Variants in AGMO observed in about 807,000 individuals in gnomAD.
AGMO encodes the protein glyceryl-ether monooxygenase.
Under a neutral mutation model 60.2 loss-of-function variants are expected in AGMO, and 75 were observed. The ratio of observed to expected loss-of-function variants is 1.25; its 90% confidence interval spans 1.03 to 1.51. The LOEUF is 1.51. AGMO is among the 40% of genes most tolerant of loss of function. The pLI, the probability that AGMO is intolerant of heterozygous loss-of-function variation, is 0.00. For missense variants in AGMO, 763 were observed against 525.5 expected (o/e 1.45, Z -4.42); for synonymous variants, 261 against 177.1 (o/e 1.47, Z -3.76).
intron 12 of AGMO, among the ~76,000 whole-genome samples, chr7:15,236,136 T>C (rs916896620): frequency 7.9e-5 from 12 of 152,260 alleles, no homozygotes; most frequent in African/African-American, 2.4e-4. Flanking sequence ...CTGGAAAATA[T>C]TGTTCATGTA....
chr7:15,218,743 C>G (rs1563040182), intron 12 of AGMO, among the ~76,000 whole-genome samples: 1 of 152,180 alleles, frequency 6.6e-6, no homozygotes, highest in East Asian at 1.9e-4. Flanking sequence ...GCCTGAGAGA[C>G]AGATCAGACC....
intron 12 of AGMO, among the ~76,000 whole-genome samples, chr7:15,327,488 G>T (rs993367310): frequency 6.6e-6 from 1 of 152,046 alleles, no homozygotes; most frequent in African/African-American, 2.4e-5. Flanking sequence ...AAGATCATTT[G>T]TTCAACACCT....
At position 15,521,707 on chromosome 7, in the gene AGMO, A is replaced by G. The variant is rs181928113; in HGVS notation, c.409+23065T>C. On this transcript the variant is annotated intron_variant, in intron 3 of 12. Transcript: ENST00000342526. The stretch of plus-strand genomic sequence containing the variant: ...TTGATACAACGTATCCCAAAGTAAT[A>G]AGAGCTATTTATGACAAACCCACAG... 2.6e-4 allele frequency among the ~76,000 whole-genome samples: 39 copies of G among 152,314 alleles called. 1 individual carries two copies. Among genetic ancestry groups the G allele is most frequent in the Admixed American group, 2.5e-3 (39 of 15,298 alleles).
intron 12 of AGMO, among the ~76,000 whole-genome samples, chr7:15,291,318 A>C (rs1050775183): frequency 6.6e-6 from 1 of 152,194 alleles, no homozygotes; most frequent in Non-Finnish European, 1.5e-5. Flanking sequence ...TATCCATTAT[A>C]TCCAATGGGA....
At position 15,281,558 on chromosome 7, in the gene AGMO, G is replaced by GTGGA. The variant is rs773345652; in HGVS notation, c.1264-80203_1264-80200dup. Among the ~76,000 whole-genome samples the GTGGA allele has an allele frequency of 4.6e-5, 7 of 152,242 alleles. No homozygotes were observed. The East Asian group carries it at 7.8e-4, about 17-fold the overall frequency. On this transcript the variant is annotated intron_variant, in intron 12 of 12. Coordinates refer to ENST00000342526, the MANE Select transcript of AGMO (RefSeq NM_001004320.2). ...TCTGGGTCAGGAGTGTGTCTAGGAA[G>GTGGA]TGGATCACTTTCCTGCTAGCCTGGC...
chr7:15,404,259 TAATA>T (rs1784627897), intron 5 of AGMO, among the ~76,000 whole-genome samples: 1 of 151,928 alleles, frequency 6.6e-6, no homozygotes, highest in South Asian at 2.1e-4. Flanking sequence ...ACTGCGTTTA[TAATA>T]AATTATCTTG....
chr7:15,255,051 C>A (rs1018853943), intron 12 of AGMO, among the ~76,000 whole-genome samples: 1 of 152,136 alleles, frequency 6.6e-6, no homozygotes, highest in East Asian at 1.9e-4. Context: ...AGTTCATGTC[C>A]TTCGCAGGGA....
At chr7:15,259,829 G>C (rs559289798) in intron 12 of AGMO, among the ~76,000 whole-genome samples, 1 of 123,566 alleles carries the variant, frequency 8.1e-6, no homozygotes, top group Non-Finnish European at 1.6e-5. Flanking sequence ...ATGAAGCAAA[G>C]ATACAGTCTT....
chr7:15,358,346 CT>C, intron 12 of AGMO: 1 of 455,312 alleles, frequency 2.2e-6, no homozygotes, highest in Non-Finnish European at 4.5e-6. Context: ...TGGGTTAATG[CT>C]TTTTCAAAAG....
At chr7:15,470,363 A>C (rs576536902) in intron 3 of AGMO, among the ~76,000 whole-genome samples, 1 of 152,142 alleles carries the variant, frequency 6.6e-6, no homozygotes, top group African/African-American at 2.4e-5. Context: ...AATGGTCTAA[A>C]TAGTCATGTT....
At chr7:15,447,723 T>C (rs1781737973) in intron 3 of AGMO, among the ~76,000 whole-genome samples, 1 of 151,980 alleles carries the variant, frequency 6.6e-6, no homozygotes, top group Admixed American at 6.6e-5. Flanking sequence ...GCTAAATTTT[T>C]TTTTTTTTCA....
chr7:15,219,419 A>T (rs1781847491), intron 12 of AGMO, among the ~76,000 whole-genome samples: 1 of 152,190 alleles, frequency 6.6e-6, no homozygotes, highest in Admixed American at 6.6e-5. Context: ...GATGAAGAGG[A>T]GTTTGCTAGC....
intron 12 of AGMO, among the ~76,000 whole-genome samples, chr7:15,309,060 C>T (rs1216292302): frequency 6.6e-6 from 1 of 152,108 alleles, no homozygotes; most frequent in Admixed American, 6.6e-5. Flanking sequence ...CCATTTGCTC[C>T]ATCAGCCACA....
chr7:15,469,302 T>C (rs1304468703), intron 3 of AGMO, among the ~76,000 whole-genome samples: 3 of 152,156 alleles, frequency 2.0e-5, no homozygotes, highest in African/African-American at 7.2e-5. Context: ...TCACATTGTT[T>C]TAATGTATTA....
intron 12 of AGMO, among the ~76,000 whole-genome samples, chr7:15,360,021 A>C (rs1782688196): frequency 6.6e-6 from 1 of 152,202 alleles, no homozygotes; most frequent in Non-Finnish European, 1.5e-5. Flanking sequence ...TAGGAGTGGT[A>C]ATGTTAGTTG....
At chr7:15,392,731 G>A (rs1032353569) in intron 6 of AGMO, among the ~76,000 whole-genome samples, 1 of 152,052 alleles carries the variant, frequency 6.6e-6, no homozygotes, top group South Asian at 2.1e-4. Context: ...CCCGGTAGGC[G>A]GATGTTGCAG....
intron 3 of AGMO, among the ~76,000 whole-genome samples, chr7:15,527,984 C>G (rs1784169192): frequency 6.6e-6 from 1 of 152,084 alleles, no homozygotes; most frequent in Non-Finnish European, 1.5e-5. Flanking sequence ...TACATGGTCT[C>G]CCATGAGCTC....
chr7:15,520,642 G>A (rs577602032), intron 3 of AGMO, among the ~76,000 whole-genome samples: 29 of 152,288 alleles, frequency 1.9e-4, no homozygotes, highest in African/African-American at 7.0e-4. Flanking sequence ...TAAGTTCTTT[G>A]AAACCAGTGA....
chr7:15,531,954 C>T (rs1424728425), intron 3 of AGMO, among the ~76,000 whole-genome samples: 2 of 152,018 alleles, frequency 1.3e-5, no homozygotes, highest in African/African-American at 2.4e-5. Flanking sequence ...CAAGCCTGAG[C>T]CACCACCCCT....
Sources: gnomAD v4.1 joint callset for allele counts (sites outside exome capture counted in the v4.1 genomes callset) on GRCh38, gnomAD v4.1.1 for gene constraint, MANE v1.5 for transcripts, NCBI Gene and HGNC (gene_info 2026-07-23, HGNC 2026-07-21) for gene names.